Variants in VPS35L observed in about 807,000 individuals in gnomAD.
VPS35L encodes the protein VPS35 endosomal protein-sorting factor-like.
In VPS35L, 83 loss-of-function variants were observed where a neutral mutation model predicts 133.0. The observed-to-expected ratio is 0.62, with a 90% CI of 0.52 to 0.75. VPS35L has a LOEUF of 0.75. Among genes scored for constraint, VPS35L ranks in the 30% least tolerant of loss-of-function variants. The pLI, the probability that VPS35L is intolerant of heterozygous loss-of-function variation, is 0.00. For missense variants in VPS35L, 1,083 were observed against 1,206.8 expected, an observed-to-expected ratio of 0.90 and a Z score of 1.52; for synonymous variants, 423 against 449.9, an observed-to-expected ratio of 0.94 and a Z score of 0.76.
At chr16:19,690,769 G>A (rs1391582630) in intron 28 of VPS35L, among the ~76,000 whole-genome samples, 1 of 152,064 alleles carries the variant, frequency 6.6e-6, no homozygotes, top group African/African-American at 2.4e-5. Context: ...TGGCCAGCAT[G>A]GTGAAACCCC....
intron 14 of VPS35L, among the ~76,000 whole-genome samples, chr16:19,619,809 A>G (rs919065571): frequency 1.3e-5 from 2 of 152,198 alleles, no homozygotes; most frequent in Non-Finnish European, 2.9e-5. Flanking sequence ...GTCATTTTCA[A>G]ACTGCAGAAG....
chr16:19,564,786 A>T, intron 1 of VPS35L, 65 bp from the exon 2 acceptor site: 1 of 1,082,038 alleles, frequency 9.2e-7, no homozygotes. Flanking sequence ...AAGAAGTCTC[A>T]TCAGAAGTTT....
intron 9 of VPS35L, among the ~76,000 whole-genome samples, chr16:19,606,736 G>T (rs966586786): frequency 6.6e-6 from 1 of 152,158 alleles, no homozygotes; most frequent in Non-Finnish European, 1.5e-5. Context: ...ATATTCTAAA[G>T]TAACTAACTT....
chr16:19,592,087 T>C (rs532392240), intron 8 of VPS35L, among the ~76,000 whole-genome samples: 2 of 152,178 alleles, frequency 1.3e-5, no homozygotes, highest in South Asian at 2.1e-4. Context: ...TCTTCTTTTT[T>C]TTTTTGAGTC....
At chr16:19,624,339 T>G (rs1270793044) in intron 14 of VPS35L, among the ~76,000 whole-genome samples, 1 of 151,674 alleles carries the variant, frequency 6.6e-6, no homozygotes, top group African/African-American at 2.4e-5. Flanking sequence ...TCCCAGCACT[T>G]TGCAGGGCTG....
In VPS35L at chr16:19,618,481, C is replaced by G. The variant is rs150557136; in HGVS notation, c.1224+1673C>G. Among the ~76,000 whole-genome samples, 230 of 152,264 alleles carry G rather than the reference C, an allele frequency of 1.5e-3. 1 individual carries two copies. Among genetic ancestry groups the G allele is most frequent in the Admixed American group, 3.1e-3 (47 of 15,294 alleles). ...TAAAATGATGGAGACTCCCGATGAT[C>G]TGTACATACTGACGTAAGGGTATTC... is the stretch of plus-strand genomic sequence containing the variant. On this transcript the variant is annotated intron_variant, in intron 14 of 30. Coordinates refer to ENST00000417362, the MANE Select transcript of VPS35L (RefSeq NM_020314.7).
chr16:19,667,765 T>C (rs74879886), intron 26 of VPS35L, among the ~76,000 whole-genome samples: 2 of 146,362 alleles, frequency 1.4e-5, no homozygotes, highest in African/African-American at 5.1e-5. Context: ...GAAAAAAAAA[T>C]AGTTGTTAAT....
chr16:19,683,646 G>A (rs562118746), intron 28 of VPS35L, among the ~76,000 whole-genome samples: 35 of 152,286 alleles, frequency 2.3e-4, no homozygotes, highest in African/African-American at 8.4e-4. Context: ...CTTTTTTAGG[G>A]CTGCATAGTA....
At chr16:19,651,853 G>A (rs926524332) in intron 25 of VPS35L, 123 bp from the exon 26 acceptor site, 8 of 741,786 alleles carry the variant, frequency 1.1e-5, no homozygotes, top group Non-Finnish European at 1.6e-5. Flanking sequence ...GGAAAATGGG[G>A]CTCAGAATGT....
chr16:19,696,095 AG>A (rs142140477), intron 29 of VPS35L, among the ~76,000 whole-genome samples: 14,794 of 152,166 alleles, frequency 0.097, 825 homozygotes, highest in Non-Finnish European at 0.12. Context: ...ACTGTTAGCC[AG>A]GATGGTCTCG....
chr16:19,665,406 T>C (rs2151600913), intron 26 of VPS35L, among the ~76,000 whole-genome samples: 1 of 152,334 alleles, frequency 6.6e-6, no homozygotes, highest in East Asian at 1.9e-4. Flanking sequence ...TGTTTTTAGC[T>C]CCCACAAATA....
intron 26 of VPS35L, among the ~76,000 whole-genome samples, chr16:19,662,413 A>G (rs1233223306): frequency 6.6e-6 from 1 of 152,182 alleles, no homozygotes; most frequent in East Asian, 1.9e-4. Flanking sequence ...GTGACGGATA[A>G]AAGACTGACA....
At chr16:19,671,505 G>A (rs559876673) in intron 27 of VPS35L, among the ~76,000 whole-genome samples, 1 of 146,934 alleles carries the variant, frequency 6.8e-6, no homozygotes. Flanking sequence ...GGCCAGGCAT[G>A]ATGGCTCACT....
chr16:19,633,456 C>T lies in VPS35L; in HGVS notation c.1635+284C>T, dbSNP rs950113372. 5.9e-5 allele frequency among the ~76,000 whole-genome samples: 9 copies of T among 152,140 alleles called. No individual in the cohort carries two copies. The highest frequency in any genetic ancestry group is 9.7e-5 in the African/African-American group (4 of 41,444). On this transcript the variant is annotated intron_variant, in intron 19 of 30. Transcript: ENST00000417362. This position sits in a 1 kb window ranked among gnomAD's most constrained non-coding sequence, Gnocchi z 4.1. ...TGGCACGTGGTAAATGCTCAATAAG[C>T]GTTGTCTTCATTGTTGTCACCAGTA... is the stretch of plus-strand genomic sequence containing the variant.
chr16:19,635,394 C>G (rs2151572840), intron 19 of VPS35L, among the ~76,000 whole-genome samples: 1 of 152,124 alleles, frequency 6.6e-6, no homozygotes, highest in South Asian at 2.1e-4. Context: ...AAATAAAACC[C>G]AAAAACCCCA....
chr16:19,667,513 C>T (rs1974733357), intron 26 of VPS35L, among the ~76,000 whole-genome samples: 1 of 152,072 alleles, frequency 6.6e-6, no homozygotes, highest in Admixed American at 6.6e-5. Context: ...TCAGGCAGAT[C>T]GCTTGAGCTC....
chr16:19,637,707 T>C, intron 20 of VPS35L, 51 bp downstream of exon 20: 1 of 1,304,252 alleles, frequency 7.7e-7, no homozygotes, highest in East Asian at 2.3e-5. Context: ...GGCTCAGAGG[T>C]TCTCATTGTC....
Position 19,633,136 on chromosome 16 carries a change from G to A in VPS35L, c.1599G>A (p.Met533Ile), listed in dbSNP as rs368554083. 12 of 1,614,064 alleles carry A rather than the reference G, an allele frequency of 7.4e-6. No individual in the cohort carries two copies. The highest frequency in any genetic ancestry group is 1.0e-5 in the Non-Finnish European group (12 of 1,180,048). The change falls in exon 19 of 31, where the codon ATG becomes ATA. Residue 533 changes from methionine (M) to isoleucine (I), a missense_variant. By Grantham distance (10) the Met-to-Ile change is conservative (BLOSUM62 1). Coordinates refer to ENST00000417362, the MANE Select transcript of VPS35L (RefSeq NM_020314.7). The surrounding 1 kb of genome is among the most constrained non-coding windows in gnomAD (Gnocchi z 4.1). Reference protein sequence around the residue: ...NTVLADVIKHMTPDRAFEDSY... With the variant: ...NTVLADVIKHITPDRAFEDSY... Reference sequence around the variant, plus strand: ...TTTTGGCAGATGTCATCAAGCACATGACTCCAGATCGTGCATTTGAAGATT... The same window carrying A: ...TTTTGGCAGATGTCATCAAGCACATAACTCCAGATCGTGCATTTGAAGATT...
At chr16:19,677,771 T>C (rs1567479801) in intron 27 of VPS35L, among the ~76,000 whole-genome samples, 1 of 152,182 alleles carries the variant, frequency 6.6e-6, no homozygotes. Context: ...CCTCCCACTA[T>C]CTCTGTTTTC....
Sources: gnomAD v4.1 joint callset for allele counts (sites outside exome capture counted in the v4.1 genomes callset) on GRCh38, gnomAD v4.1.1 for gene constraint, Gnocchi (gnomAD v3.1) non-coding constraint, MANE v1.5 for transcripts, NCBI Gene and HGNC (gene_info 2026-07-23, HGNC 2026-07-21) for gene names.